Variants in VSTM4 observed in about 807,000 individuals in gnomAD.
VSTM4 encodes the protein V-set and transmembrane domain containing 4, also known as V-set and transmembrane domain-containing protein 4.
A neutral mutation model predicts 36.4 loss-of-function variants in VSTM4; 20 were observed. The observed-to-expected ratio is 0.55, with a 90% confidence interval of 0.39 to 0.80. VSTM4 has a LOEUF of 0.80. Ranked by LOEUF, VSTM4 falls within the 30% of genes least tolerant of loss-of-function variation. The pLI is 0.00. For missense variants in VSTM4, 392 were observed against 404.5 expected (o/e 0.97, Z 0.26); for synonymous variants, 182 against 173.9 (o/e 1.05, Z -0.37).
At chr10:49,098,071 G>C (rs1156917985) in intron 2 of VSTM4, among the ~76,000 whole-genome samples, 1 of 152,174 alleles carries the variant, frequency 6.6e-6, no homozygotes, top group Non-Finnish European at 1.5e-5. Context: ...CCCTTGGAGA[G>C]AGGGAGACAT....
intron 7 of VSTM4, among the ~76,000 whole-genome samples, chr10:49,031,787 C>T (rs1251016967): frequency 6.6e-6 from 1 of 152,134 alleles, no homozygotes; most frequent in African/African-American, 2.4e-5. Context: ...CCTTCATTAC[C>T]TCATCCTGTG....
At chr10:49,078,076 G>A (rs891629839) in intron 3 of VSTM4, among the ~76,000 whole-genome samples, 6 of 151,924 alleles carry the variant, frequency 3.9e-5, no homozygotes, top group African/African-American at 1.2e-4. Context: ...GACTTCTATC[G>A]CTGTTAGAGA....
At position 49,016,258 on chromosome 10, in the gene VSTM4, T is replaced by C. The variant is rs138185862; in HGVS notation, c.*3392A>G. On this transcript the variant is annotated 3_prime_UTR_variant, in exon 8 of 8. Transcript: ENST00000332853. ...AACAGCAGAGTAATTAGAGAGTTTA[T>C]GGAAGAGAAGAGTCTGGGGATGTTA... 1 of 152,362 alleles carries C rather than the reference T, an allele frequency of 6.6e-6. No homozygotes were observed. The highest frequency in any genetic ancestry group is 1.5e-5 in the Non-Finnish European group (1 of 68,052). The allele number at this position is 152,362 out of a possible 1,614,324, so 9.4% of individuals were successfully genotyped here. A position where few individuals can be genotyped will look rare whatever the true frequency, so the allele number is the denominator to read the frequency against.
At chr10:49,047,985 T>C (rs1214035206) in intron 6 of VSTM4, among the ~76,000 whole-genome samples, 1 of 152,216 alleles carries the variant, frequency 6.6e-6, no homozygotes, top group African/African-American at 2.4e-5. Context: ...TCTTCCTCAC[T>C]TACATTGCTC....
intron 3 of VSTM4, among the ~76,000 whole-genome samples, chr10:49,083,073 A>G (rs1844308705): frequency 6.6e-6 from 1 of 152,248 alleles, no homozygotes; most frequent in East Asian, 1.9e-4. Flanking sequence ...AGTGCCCCTC[A>G]GCAGAGTCCA....
chr10:49,056,145 C>A (rs962955165), intron 5 of VSTM4, among the ~76,000 whole-genome samples: 1 of 152,242 alleles, frequency 6.6e-6, no homozygotes, highest in African/African-American at 2.4e-5. Flanking sequence ...ATGACCTTTA[C>A]AATAAATGGT....
At chr10:49,071,385 C>G (rs1844076328) in intron 4 of VSTM4, among the ~76,000 whole-genome samples, 1 of 152,194 alleles carries the variant, frequency 6.6e-6, no homozygotes, top group African/African-American at 2.4e-5. Context: ...TCCAGGATGA[C>G]TCAGTGCTGT....
At position 49,107,620 on chromosome 10, in the gene VSTM4, T is replaced by C. The variant is rs141154323; in HGVS notation, c.431A>G (p.Asn144Ser). ...RHRNKWTAWS[N>S]GSSATEMRVI... ...TCTCATTTCCGTGGCTGAGGAGCCATTGGACCAGGCCGTCCACTTGTTCCT... is the reference window on the plus strand; with the variant it reads ...TCTCATTTCCGTGGCTGAGGAGCCACTGGACCAGGCCGTCCACTTGTTCCT... The change falls in exon 2 of 8, where the codon AAT becomes AGT. Residue 144 changes from asparagine to serine, a missense_variant. Asn to Ser is a conservative substitution (Grantham distance 46, BLOSUM62 1). Transcript: ENST00000332853. 12 of 1,610,068 alleles carry C rather than the reference T, an allele frequency of 7.5e-6. No individual in the cohort carries two copies. The African/African-American group carries it at 9.4e-5, about 13-fold the overall frequency.
At chr10:49,025,012 GTTC>G (rs1843236276) in intron 7 of VSTM4, among the ~76,000 whole-genome samples, 1 of 151,938 alleles carries the variant, frequency 6.6e-6, no homozygotes, top group Non-Finnish European at 1.5e-5. Context: ...TTTGACTGGT[GTTC>G]TTCTAAGAAG....
intron 7 of VSTM4, among the ~76,000 whole-genome samples, chr10:49,027,470 C>G (rs1162021793): frequency 6.6e-6 from 1 of 152,128 alleles, no homozygotes. Context: ...TTTTAAATGA[C>G]ATGGGGTAAA....
intron 2 of VSTM4, among the ~76,000 whole-genome samples, chr10:49,095,279 C>G (rs1844549306): frequency 6.6e-6 from 1 of 152,140 alleles, no homozygotes; most frequent in Non-Finnish European, 1.5e-5. Context: ...ACCTTCCACT[C>G]CTAGTTGCCA....
intron 5 of VSTM4, among the ~76,000 whole-genome samples, chr10:49,053,997 G>C (rs1403780537): frequency 6.6e-6 from 1 of 152,250 alleles, no homozygotes; most frequent in African/African-American, 2.4e-5. Flanking sequence ...AACAGTAACA[G>C]CTATGTTTGT....
At chr10:49,069,338 G>A (rs1206030498) in intron 4 of VSTM4, among the ~76,000 whole-genome samples, 1 of 152,230 alleles carries the variant, frequency 6.6e-6, no homozygotes, top group Admixed American at 6.5e-5. Flanking sequence ...TGTTTCTGCT[G>A]TATCCATCAA....
rs1307757010 is a variant in VSTM4, at chr10:49,014,624, G to A, written c.*5026C>T. Reference sequence around the variant, plus strand: ...ACTGGGGAATGTTTTTTTTTTCCCAGAGAAAGAAAGCACTTTTAAAAAGCA... The same window carrying A: ...ACTGGGGAATGTTTTTTTTTTCCCAAAGAAAGAAAGCACTTTTAAAAAGCA... On this transcript the variant is annotated 3_prime_UTR_variant, in exon 8 of 8. Coordinates refer to ENST00000332853, the MANE Select transcript of VSTM4 (RefSeq NM_001031746.5). 1.3e-5 allele frequency: 2 copies of A among 152,166 alleles called. No individual in the cohort carries two copies. The highest frequency in any genetic ancestry group is 2.4e-5 in the African/African-American group (1 of 41,402). The allele number at this position is 152,166 out of a possible 1,614,324, so 9.4% of individuals were successfully genotyped here.
intron 2 of VSTM4, among the ~76,000 whole-genome samples, chr10:49,097,650 G>C (rs554887614): frequency 6.6e-6 from 1 of 152,206 alleles, no homozygotes; most frequent in African/African-American, 2.4e-5. Context: ...CACAGTCTGT[G>C]CAACACAGGG....
At chr10:49,085,265 C>G (rs1844349884) in intron 3 of VSTM4, among the ~76,000 whole-genome samples, 1 of 152,258 alleles carries the variant, frequency 6.6e-6, no homozygotes. Context: ...GGTTCTCAGC[C>G]TGGCTGCATG....
At position 49,048,502 on chromosome 10, in the gene VSTM4, T is replaced by G; in HGVS notation, c.751A>C (p.Ile251Leu). The G allele has an allele frequency of 6.3e-7, 1 of 1,595,436 alleles. No individual in the cohort carries two copies. The highest frequency in any genetic ancestry group is 8.5e-7 in the Non-Finnish European group (1 of 1,173,558). The part of the protein sequence containing the change: ...KGKRQKEKPD[I>L]PPAVPAKAPI... ...CCTTTGGCAGGGACTGCGGGAGGAA[T>G]GTCAGGCTTCTCCTTCTGCCTCTTG... is the stretch of plus-strand genomic sequence containing the variant. Residue 251 changes from isoleucine (I) to leucine (L), a missense_variant, in exon 6 of 8, where the codon ATT becomes CTT. Coordinates refer to ENST00000332853, the MANE Select transcript of VSTM4 (RefSeq NM_001031746.5).
At chr10:49,031,899 G>A (rs958984764) in intron 7 of VSTM4, among the ~76,000 whole-genome samples, 1 of 152,094 alleles carries the variant, frequency 6.6e-6, no homozygotes, top group Non-Finnish European at 1.5e-5. Flanking sequence ...ATATGGCACT[G>A]TTCATTCAGG....
intron 5 of VSTM4, among the ~76,000 whole-genome samples, chr10:49,057,458 G>A (rs982706930): frequency 7.2e-5 from 11 of 152,340 alleles, no homozygotes; most frequent in African/African-American, 2.6e-4. Flanking sequence ...GCCTGCTGTG[G>A]AGGATGAAAC....
Sources: gnomAD v4.1 joint callset for allele counts (sites outside exome capture counted in the v4.1 genomes callset) on GRCh38, gnomAD v4.1.1 for gene constraint, MANE v1.5 for transcripts, NCBI Gene and HGNC (gene_info 2026-07-23, HGNC 2026-07-21) for gene names.